Variants in CTNNA3 observed in about 807,000 individuals in gnomAD.
CTNNA3 encodes the protein catenin alpha-3.
In CTNNA3, 76 loss-of-function variants were observed where a neutral mutation model predicts 95.7. The ratio of observed to expected loss-of-function variants is 0.79; its 90% CI spans 0.66 to 0.96. The LOEUF (loss-of-function observed/expected upper bound fraction) is 0.96, where lower values mean the gene tolerates loss of function less well. CTNNA3 is among the 40% of genes least tolerant of loss of function. The pLI is 0.00. For missense variants in CTNNA3, 1,191 were observed against 1,089.8 expected, an observed-to-expected ratio of 1.09 and a Z score of -1.31; for synonymous variants, 431 against 374.4, an observed-to-expected ratio of 1.15 and a Z score of -1.74.
At chr10:66,958,721 C>T (rs1482339912) in intron 7 of CTNNA3, among the ~76,000 whole-genome samples, 1 of 152,134 alleles carries the variant, frequency 6.6e-6, no homozygotes, top group African/African-American at 2.4e-5. Flanking sequence ...CAAAGGAACA[C>T]TCACTATCCT....
At chr10:67,585,184 C>T (rs780316178) in intron 3 of CTNNA3, among the ~76,000 whole-genome samples, 26 of 152,160 alleles carry the variant, frequency 1.7e-4, no homozygotes, top group Admixed American at 3.3e-4. Context: ...CCTATTTGGC[C>T]ATCTTGGAAC....
At chr10:67,288,770 T>C (rs1839706028) in intron 5 of CTNNA3, among the ~76,000 whole-genome samples, 2 of 152,260 alleles carry the variant, frequency 1.3e-5, no homozygotes, top group South Asian at 4.1e-4. Context: ...TTCAGAAAGT[T>C]TTTCCAAAAT....
chr10:67,453,484 T>C (rs888525632), intron 5 of CTNNA3, among the ~76,000 whole-genome samples: 5 of 152,210 alleles, frequency 3.3e-5, no homozygotes, highest in East Asian at 1.9e-4. Context: ...CTTGCTACAA[T>C]TGTTGTTGCA....
At chr10:67,237,580 T>C (rs369727219) in intron 5 of CTNNA3, among the ~76,000 whole-genome samples, 1 of 151,458 alleles carries the variant, frequency 6.6e-6, no homozygotes, top group African/African-American at 2.4e-5. Flanking sequence ...ATTGCCTAAG[T>C]ATAATAGAAA....
chr10:66,444,298 C>T (rs1331560183), intron 11 of CTNNA3, among the ~76,000 whole-genome samples: 2 of 152,078 alleles, frequency 1.3e-5, no homozygotes, highest in African/African-American at 4.8e-5. Flanking sequence ...GGCAGGCCAA[C>T]ATTCAGATTC....
At chr10:67,751,797 C>T (rs1000608782) in intron 1 of CTNNA3, among the ~76,000 whole-genome samples, 3 of 142,124 alleles carry the variant, frequency 2.1e-5, no homozygotes, top group African/African-American at 7.9e-5. Flanking sequence ...AGACTAATAA[C>T]AAGTTCTGAA....
chr10:66,300,491 G>A (rs932668290), intron 12 of CTNNA3, among the ~76,000 whole-genome samples: 1 of 151,764 alleles, frequency 6.6e-6, no homozygotes, highest in South Asian at 2.1e-4. Flanking sequence ...AAGAAACATG[G>A]CAAGTACTGT....
In CTNNA3 at chr10:66,882,221, T is replaced by C. The variant is rs115087852; in HGVS notation, c.1048-106697A>G. On this transcript the variant is annotated intron_variant, in intron 7 of 17. Coordinates refer to ENST00000433211, the MANE Select transcript of CTNNA3 (RefSeq NM_013266.4). ...CGAAAGGGTGGAGACTTCATTACAC[T>C]AATCCTGATCAGGCAAACCCAAAAT... Among the ~76,000 whole-genome samples the C allele has an allele frequency of 1.0e-3, 158 of 152,202 alleles. 1 individual carries two copies. Among genetic ancestry groups the C allele is most frequent in the African/African-American group, 3.6e-3 (151 of 41,534 alleles).
intron 9 of CTNNA3, among the ~76,000 whole-genome samples, chr10:66,696,715 T>C (rs1189401622): frequency 6.6e-6 from 1 of 152,046 alleles, no homozygotes; most frequent in African/African-American, 2.4e-5. Flanking sequence ...GGAGGATCAT[T>C]TGAGGTCAGG....
At chr10:66,293,634 G>T (rs2091726229) in intron 12 of CTNNA3, among the ~76,000 whole-genome samples, 1 of 150,572 alleles carries the variant, frequency 6.6e-6, no homozygotes, top group African/African-American at 2.4e-5. Context: ...CTTTTTCTGT[G>T]AATTAATCAG....
chr10:67,214,414 C>T (rs1193342745), intron 6 of CTNNA3, among the ~76,000 whole-genome samples: 6 of 151,776 alleles, frequency 4.0e-5, no homozygotes, highest in African/African-American at 1.2e-4. Context: ...GAACATTTAA[C>T]TATGATTCTA....
chr10:67,562,869 T>C (rs1001960145), intron 3 of CTNNA3, among the ~76,000 whole-genome samples: 3 of 152,114 alleles, frequency 2.0e-5, no homozygotes, highest in African/African-American at 7.2e-5. Flanking sequence ...AGCCAAATCA[T>C]GAGTGAACTC....
chr10:66,588,597 C>A (rs1298187500), intron 10 of CTNNA3, among the ~76,000 whole-genome samples: 3 of 152,082 alleles, frequency 2.0e-5, no homozygotes, highest in African/African-American at 4.8e-5. Flanking sequence ...ATAGGTTTTC[C>A]TTTATAGGCT....
At chr10:67,417,708 A>ATTAAATCCAGTTTGGATTGGG (rs1845593509) in intron 5 of CTNNA3, among the ~76,000 whole-genome samples, 1 of 151,590 alleles carries the variant, frequency 6.6e-6, no homozygotes, top group Non-Finnish European at 1.5e-5. Flanking sequence ...TTTAAATTGG[A>ATTAAATCCAGTTTGGATTGGG]TTAAATCCAG....
At chr10:67,466,164 T>A (rs998925808) in intron 5 of CTNNA3, among the ~76,000 whole-genome samples, 2 of 152,222 alleles carry the variant, frequency 1.3e-5, no homozygotes, top group African/African-American at 4.8e-5. Context: ...AAAAATTTTC[T>A]CTCTTCATCT....
At chr10:67,658,054 C>G (rs2133514668) in intron 1 of CTNNA3, among the ~76,000 whole-genome samples, 1 of 152,142 alleles carries the variant, frequency 6.6e-6, no homozygotes. Context: ...CCTGCAACCC[C>G]CACCGTCTGC....
At chr10:66,263,216 G>A (rs998701767) in intron 13 of CTNNA3, among the ~76,000 whole-genome samples, 3 of 151,866 alleles carry the variant, frequency 2.0e-5, no homozygotes, top group Non-Finnish European at 2.9e-5. Context: ...TTGGAACAAA[G>A]CAAGTCTCTC....
intron 1 of CTNNA3, among the ~76,000 whole-genome samples, chr10:67,727,977 T>A (rs1344054316): frequency 7.2e-6 from 1 of 138,368 alleles, no homozygotes; most frequent in East Asian, 2.0e-4. Context: ...AGATGACACA[T>A]AATACATATA....
chr10:67,715,738 T>G (rs1018657859), intron 1 of CTNNA3, among the ~76,000 whole-genome samples: 1 of 152,088 alleles, frequency 6.6e-6, no homozygotes, highest in Non-Finnish European at 1.5e-5. Flanking sequence ...ACAGGGGCTG[T>G]GATTCAAAAG....
Sources: allele counts gnomAD v4.1 joint callset (sites outside exome capture counted in the v4.1 genomes callset), GRCh38; gene constraint gnomAD v4.1.1; transcripts MANE v1.5; gene names NCBI Gene and HGNC (gene_info 2026-07-23, HGNC 2026-07-21).